Variants in SLC8A1 observed in about 807,000 individuals in gnomAD.
SLC8A1 encodes sodium/calcium exchanger 1.
Under a neutral mutation model 68.3 loss-of-function variants are expected in SLC8A1, and 18 were observed. The observed-to-expected ratio is 0.26, with a 90% CI of 0.18 to 0.39. The LOEUF (loss-of-function observed/expected upper bound fraction) is 0.39. SLC8A1 is among the 10% of genes least tolerant of loss of function. The pLI, the probability that SLC8A1 is intolerant of heterozygous loss-of-function variation, is 1.00. For synonymous variants in SLC8A1, 475 were observed against 415.5 expected (o/e 1.14, Z -1.74); for missense variants, 985 against 1,156.7 (o/e 0.85, Z 2.15).
In SLC8A1 at chr2:40,335,157, A is replaced by G. The variant is rs116433369; in HGVS notation, c.1808+93316T>C. Among the ~76,000 whole-genome samples, 572 of 152,358 alleles carry G rather than the reference A, an allele frequency of 3.8e-3. 6 individuals carry two copies. The highest frequency in any genetic ancestry group is 0.013 in the African/African-American group (555 of 41,582). ...TTTTGGATATGGATATGATATAGAT[A>G]TACAATATCCGTATATTATTTTCCT... On this transcript the variant is annotated intron_variant, in intron 2 of 7. Transcript: ENST00000406785.
intron 1 of SLC8A1, among the ~76,000 whole-genome samples, chr2:40,486,536 G>T (rs989080660): frequency 1.3e-5 from 2 of 151,996 alleles, no homozygotes; most frequent in African/African-American, 4.8e-5. Flanking sequence ...ATACTCCATA[G>T]TGTGTTTTAT....
chr2:40,195,458 T>C (rs2052785011), intron 2 of SLC8A1, among the ~76,000 whole-genome samples: 1 of 151,920 alleles, frequency 6.6e-6, no homozygotes, highest in Admixed American at 6.6e-5. Flanking sequence ...TCCAGACTTG[T>C]GGAGAACTGG....
intron 2 of SLC8A1, among the ~76,000 whole-genome samples, chr2:40,264,181 A>AT (rs1172427461): frequency 6.6e-6 from 1 of 150,800 alleles, no homozygotes; most frequent in East Asian, 1.9e-4. Flanking sequence ...AATGGCAATC[A>AT]TTAAAAAGTC....
intron 1 of SLC8A1, among the ~76,000 whole-genome samples, chr2:40,462,668 T>C (rs1487943588): frequency 6.6e-6 from 1 of 151,702 alleles, no homozygotes; most frequent in Non-Finnish European, 1.5e-5. Context: ...ATTAGTCAGA[T>C]GTGGTGGTGC....
At chr2:40,151,766 T>C (rs1258664621) in intron 6 of SLC8A1, among the ~76,000 whole-genome samples, 2 of 152,146 alleles carry the variant, frequency 1.3e-5, no homozygotes. Context: ...ATTAATTTTC[T>C]AGGGAAAAAA....
intron 2 of SLC8A1, among the ~76,000 whole-genome samples, chr2:40,325,858 T>G (rs1400227530): frequency 6.6e-6 from 1 of 151,348 alleles, no homozygotes; most frequent in East Asian, 1.9e-4. Flanking sequence ...GGACTGATAT[T>G]CGATATTTCT....
In SLC8A1 at chr2:40,292,572, G is replaced by C. The variant is rs1293198232; in HGVS notation, c.1809-114717C>G. On this transcript the variant is annotated intron_variant, in intron 2 of 7. Transcript: ENST00000406785. ...ATCTATCCCAGGAAGGCTCATTTCA[G>C]AATATAATACAGTGTGGATTGAAGA... 2.0e-5 allele frequency among the ~76,000 whole-genome samples: 3 copies of C among 152,184 alleles called. No homozygotes were observed. In the East Asian group the frequency reaches 5.8e-4, roughly 29 times the overall value.
chr2:40,506,804 TATA>T (rs1706399671), intron 1 of SLC8A1, among the ~76,000 whole-genome samples: 2 of 152,132 alleles, frequency 1.3e-5, no homozygotes, highest in Admixed American at 1.3e-4. Context: ...GGGAAAATGA[TATA>T]ATAAGTGTTC....
chr2:40,149,722 G>A (rs910761855), intron 6 of SLC8A1, among the ~76,000 whole-genome samples: 1 of 152,162 alleles, frequency 6.6e-6, no homozygotes, highest in African/African-American at 2.4e-5. Flanking sequence ...GCTACTGCAC[G>A]AGGCTGCTGT....
intron 2 of SLC8A1, among the ~76,000 whole-genome samples, chr2:40,426,503 A>G (rs946625625): frequency 6.6e-6 from 1 of 152,040 alleles, no homozygotes; most frequent in Non-Finnish European, 1.5e-5. Context: ...TCCTTTTTAA[A>G]AATCCTTTTC....
intron 7 of SLC8A1, among the ~76,000 whole-genome samples, chr2:40,117,778 C>T (rs531171949): frequency 2.0e-5 from 3 of 152,156 alleles, no homozygotes; most frequent in African/African-American, 7.2e-5. Flanking sequence ...GTACTAGTCT[C>T]TCCCCTCTGT....
chr2:40,491,561 C>T (rs1204529102), intron 1 of SLC8A1, among the ~76,000 whole-genome samples: 1 of 152,052 alleles, frequency 6.6e-6, no homozygotes, highest in African/African-American at 2.4e-5. Context: ...CTGTCTTGTG[C>T]CAGTTTTCAA....
chr2:40,339,414 A>G (rs1201569907), intron 2 of SLC8A1, among the ~76,000 whole-genome samples: 3 of 152,206 alleles, frequency 2.0e-5, no homozygotes, highest in Non-Finnish European at 4.4e-5. Context: ...CCAGTTACAG[A>G]GAAGTTGAGG....
intron 2 of SLC8A1, among the ~76,000 whole-genome samples, chr2:40,363,756 T>C (rs771986366): frequency 2.6e-5 from 4 of 152,126 alleles, no homozygotes; most frequent in Admixed American, 6.6e-5. Flanking sequence ...TAACCAGTTG[T>C]TATGAGGACT....
intron 2 of SLC8A1, among the ~76,000 whole-genome samples, chr2:40,423,526 A>C (rs2149757664): frequency 6.6e-6 from 1 of 152,186 alleles, no homozygotes; most frequent in African/African-American, 2.4e-5. Context: ...CCAGTAAAGC[A>C]ATCAGCCTTC....
intron 1 of SLC8A1, among the ~76,000 whole-genome samples, chr2:40,501,206 T>A (rs1279970318): frequency 6.6e-6 from 1 of 152,082 alleles, no homozygotes; most frequent in African/African-American, 2.4e-5. Context: ...AACTGCTTTC[T>A]TTTCTCTATC....
At chr2:40,432,401 T>TGTGTG (rs1553607883) in intron 1 of SLC8A1, among the ~76,000 whole-genome samples, 1 of 128,736 alleles carries the variant, frequency 7.8e-6, no homozygotes, top group Non-Finnish European at 1.6e-5. Context: ...GAGTGTGAGA[T>TGTGTG]TGTGTGTGTG....
chr2:40,419,379 G>T (rs1391091897), intron 2 of SLC8A1, among the ~76,000 whole-genome samples: 2 of 152,156 alleles, frequency 1.3e-5, no homozygotes. Flanking sequence ...GTGAGCAAGA[G>T]TATGGACTAA....
intron 2 of SLC8A1, among the ~76,000 whole-genome samples, chr2:40,367,807 G>C (rs1198480629): frequency 2.0e-5 from 3 of 152,002 alleles, no homozygotes; most frequent in African/African-American, 7.2e-5. Context: ...GATTACACTA[G>C]CTTTGTTCAC....
Sources: gnomAD v4.1 joint callset for allele counts (sites outside exome capture counted in the v4.1 genomes callset) on GRCh38, gnomAD v4.1.1 for gene constraint, MANE v1.5 for transcripts, NCBI Gene and HGNC (gene_info 2026-07-23, HGNC 2026-07-21) for gene names.